Variants in EGF observed in about 807,000 individuals in gnomAD.
EGF encodes pro-epidermal growth factor.
EGF carries 95 observed loss-of-function variants against 143.8 expected under a neutral mutation model. The observed-to-expected ratio is 0.66, with a 90% CI of 0.56 to 0.78. The LOEUF is 0.78. Ranked by LOEUF, EGF falls within the 30% of genes least tolerant of loss-of-function variation. The pLI is 0.00. For missense variants in EGF, 1,320 were observed against 1,470.9 expected, an observed-to-expected ratio of 0.90 and a Z score of 1.68; for synonymous variants, 510 against 510.5, an observed-to-expected ratio of 1.00 and a Z score of 0.01.
intron 20 of EGF, among the ~76,000 whole-genome samples, chr4:109,999,059 C>A (rs1313443622): frequency 1.3e-5 from 2 of 152,166 alleles, no homozygotes; most frequent in Non-Finnish European, 2.9e-5. Context: ...AGGTGAACGT[C>A]CCTTTTTCCT....
At chr4:110,006,005 C>CTTAT (rs1040985272) in intron 22 of EGF, among the ~76,000 whole-genome samples, 4 of 151,670 alleles carry the variant, frequency 2.6e-5, no homozygotes, top group African/African-American at 4.9e-5. Context: ...TCAGTGTTTC[C>CTTAT]TTATTTATTT....
In EGF at chr4:110,011,562, C is replaced by T. The variant is rs886058996; in HGVS notation, c.*107C>T. 29 of 1,538,692 alleles carry T rather than the reference C, an allele frequency of 1.9e-5. No homozygotes were observed. Among genetic ancestry groups the T allele is most frequent in the South Asian group, 5.7e-5 (5 of 87,506 alleles). On this transcript the variant is annotated 3_prime_UTR_variant, in exon 24 of 24. Transcript: ENST00000265171. ...ATAGGTTTTGGTTCCACAATCTCTA[C>T]GACTAATCACCTACTCAATGCCTGG...
Position 110,013,703 on chromosome 4 carries a change from A to T in EGF, c.*2248A>T, listed in dbSNP as rs543616045. On this transcript the variant is annotated 3_prime_UTR_variant, in exon 24 of 24. Transcript: ENST00000265171. ...GCTTCTGTTTGACTAAATATCACCT[A>T]CTATGTAAAAAATGAGCATATTGGC... is the stretch of plus-strand genomic sequence containing the variant. 6.6e-6 allele frequency among the ~76,000 whole-genome samples: 1 copy of T among 151,996 alleles called. No homozygotes were observed. Among genetic ancestry groups the T allele is most frequent in the Admixed American group, 6.6e-5 (1 of 15,252 alleles).
rs1743879419 is a variant in EGF at position 109,951,299 on chromosome 4, A to G, written c.940+6024A>G. The stretch of plus-strand genomic sequence containing the variant: ...CTTGAACTCAAGGGGCAGAGGTTTC[A>G]GTGAGCCAAGATCAGGCCACTGCAC... On this transcript the variant is annotated intron_variant, in intron 5 of 23. Coordinates refer to ENST00000265171, the MANE Select transcript of EGF (RefSeq NM_001963.6). Among the ~76,000 whole-genome samples, 3 of 152,302 alleles carry G rather than the reference A, an allele frequency of 2.0e-5. No homozygotes were observed. The South Asian group carries it at 6.2e-4, about 32-fold the overall frequency.
intron 6 of EGF, 95 bp downstream of exon 6, chr4:109,959,532 C>T (rs573373155): frequency 1.2e-6 from 2 of 1,600,316 alleles, no homozygotes; most frequent in South Asian, 2.2e-5. Flanking sequence ...AGTGGGCCAG[C>T]CAGAGACTCA....
chr4:109,913,014 G>A lies in EGF; in HGVS notation c.-322G>A, dbSNP rs930540902. 2.9e-6 allele frequency: 1 copy of A among 341,834 alleles called. No homozygotes were observed. Among genetic ancestry groups the A allele is most frequent in the Non-Finnish European group, 5.7e-6 (1 of 176,936 alleles). 21.2% of individuals were successfully genotyped at this position (341,834 alleles called of 1,614,324 possible). On this transcript the variant is annotated 5_prime_UTR_variant, in exon 1 of 24. Transcript: ENST00000265171. ...CCTCTCTAAGCCTTTGCCTTGCTCT[G>A]TCACAGTGAAGTCAGCCAGAGCAGG...
intron 6 of EGF, among the ~76,000 whole-genome samples, 162 bp from the exon 7 acceptor site, chr4:109,960,705 A>T (rs906720031): frequency 6.6e-6 from 1 of 152,152 alleles, no homozygotes; most frequent in Non-Finnish European, 1.5e-5. Context: ...CATTTAATTG[A>T]CTTATTTTAC....
chr4:109,962,390 C>G (rs748920927), intron 8 of EGF, among the ~76,000 whole-genome samples: 9 of 152,194 alleles, frequency 5.9e-5, no homozygotes, highest in Non-Finnish European at 8.8e-5. Context: ...CTAATAAACA[C>G]CTCTCTACTT....
chr4:109,945,438 G>GA (rs1421998521), intron 5 of EGF, among the ~76,000 whole-genome samples, 163 bp downstream of exon 5: 7 of 151,826 alleles, frequency 4.6e-5, no homozygotes, highest in Admixed American at 1.3e-4. Context: ...AGATTAACAA[G>GA]AAAAAAACAA....
rs2067004 is a variant in EGF, at chr4:109,959,208, T to C, written c.941-104T>C. ...TTTGCCTCCGTGAGAGATGCAGCTG[T>C]AGACGTTGTAGGGAGGTAAGACCTC... On this transcript the variant is annotated intron_variant, in intron 5 of 23. Coordinates refer to ENST00000265171, the MANE Select transcript of EGF (RefSeq NM_001963.6). The C allele has an allele frequency of 0.36, 553,269 of 1,549,444 alleles. 100,350 individuals carry two copies. Among genetic ancestry groups the C allele is most frequent in the East Asian group, 0.51 (22,003 of 42,892 alleles).
intron 1 of EGF, among the ~76,000 whole-genome samples, chr4:109,932,446 T>C (rs1022256757): frequency 3.4e-5 from 5 of 148,284 alleles, no homozygotes; most frequent in Non-Finnish European, 6.0e-5. Flanking sequence ...TGGCATGATC[T>C]TGGCTCACTG....
At chr4:110,004,251 C>CAA (rs70954198) in intron 21 of EGF, 1 of 490,578 alleles carries the variant, frequency 2.0e-6, no homozygotes, top group African/African-American at 2.0e-5. Context: ...CACACACACA[C>CAA]AAACACACAC....
intron 1 of EGF, among the ~76,000 whole-genome samples, chr4:109,934,399 T>A (rs2347137): frequency 1.3e-5 from 2 of 152,018 alleles, no homozygotes; most frequent in African/African-American, 4.8e-5. Context: ...TCCACTTTTT[T>A]ATGGGGTTGT....
Position 109,980,117 on chromosome 4 carries a change from G to T in EGF, c.2199G>T (p.Val733=), listed in dbSNP as rs1481290503. ...TGCTGAAGCCCTCATCACTGGTTGT[G>T]GTTCATCCATTGGCAAAACCAGGTA... is the stretch of plus-strand genomic sequence containing the variant. The part of the protein sequence containing the change: ...GSMLKPSSLV[V]VHPLAKPGAD... The change falls in exon 14 of 24, where the codon GTG becomes GTT. Residue 733 remains valine (V), a synonymous_variant. Transcript: ENST00000265171. The T allele has an allele frequency of 1.2e-6, 2 of 1,610,856 alleles. No homozygotes were observed. The highest frequency in any genetic ancestry group is 1.3e-5 in the African/African-American group (1 of 74,760).
In EGF at chr4:109,972,045, TA is replaced by T. The variant is rs202031045; in HGVS notation, c.1725-2647del. Among the ~76,000 whole-genome samples the T allele has an allele frequency of 4.0e-3, 587 of 147,312 alleles. 7 individuals are homozygous for T. The highest frequency in any genetic ancestry group is 0.028 in the East Asian group (144 of 5,084). On this transcript the variant is annotated intron_variant, in intron 11 of 23. Coordinates refer to ENST00000265171, the MANE Select transcript of EGF (RefSeq NM_001963.6). Reference sequence around the variant, plus strand: ...TGAGGTAACAAAAACTAATATGAGGTAAAAAAAAAAATCACTCTTCTAGGGT... The same window carrying T: ...TGAGGTAACAAAAACTAATATGAGGTAAAAAAAAAATCACTCTTCTAGGGT...
Position 109,973,083 on chromosome 4 carries a change from C to T in EGF, c.1725-1620C>T, listed in dbSNP as rs540472310. Among the ~76,000 whole-genome samples the T allele has an allele frequency of 1.2e-4, 19 of 152,270 alleles. No individual in the cohort carries two copies. In the East Asian group the frequency reaches 3.5e-3, roughly 28 times the overall value. On this transcript the variant is annotated intron_variant, in intron 11 of 23. Coordinates refer to ENST00000265171, the MANE Select transcript of EGF (RefSeq NM_001963.6). ...GGCAGTACATTGGGAAAGGGAGGCT[C>T]TTCTTAGCCCTATTTATATCCTGTC... is the stretch of plus-strand genomic sequence containing the variant.
At chr4:109,979,667 C>T (rs1749036935) in intron 13 of EGF, among the ~76,000 whole-genome samples, 1 of 152,098 alleles carries the variant, frequency 6.6e-6, no homozygotes, top group Non-Finnish European at 1.5e-5. Flanking sequence ...AGGAAAATTC[C>T]ACCTTTCTCC....
intron 1 of EGF, among the ~76,000 whole-genome samples, chr4:109,919,760 C>T (rs997838369): frequency 2.0e-5 from 3 of 151,286 alleles, no homozygotes; most frequent in African/African-American, 2.5e-5. Context: ...AGGTAGGCCC[C>T]GGAATCTCTC....
At chr4:109,992,952 T>TG (rs1751210789) in intron 18 of EGF, among the ~76,000 whole-genome samples, 2 of 26,906 alleles carry the variant, frequency 7.4e-5, no homozygotes, top group African/African-American at 9.6e-5. Flanking sequence ...TGTTGTGGGG[T>TG]GGGGGGAGGG....
Sources: allele counts gnomAD v4.1 joint callset (sites outside exome capture counted in the v4.1 genomes callset), GRCh38; gene constraint gnomAD v4.1.1; transcripts MANE v1.5; gene names NCBI Gene and HGNC (gene_info 2026-07-23, HGNC 2026-07-21).